The following DNM2 variants were observed in gnomAD, a reference collection of about 807,000 sequenced individuals.
DNM2 encodes dynamin-2.
A neutral mutation model predicts 99.0 loss-of-function variants in DNM2; 15 were observed. The observed-to-expected ratio is 0.15, with a 90% CI of 0.10 to 0.23. DNM2 has a LOEUF of 0.23. DNM2 is among the 10% of genes least tolerant of loss of function. The pLI is 1.00. For synonymous variants in DNM2, 525 were observed against 481.2 expected (o/e 1.09, Z -1.19); for missense variants, 742 against 1,189.4 (o/e 0.62, Z 5.53).
Position 10,764,789 on chromosome 19 carries a change from G to T in DNM2, c.235+4978G>T, listed in dbSNP as rs1020488558. Among the ~76,000 whole-genome samples the T allele has an allele frequency of 6.6e-5, 10 of 152,072 alleles. No individual in the cohort carries two copies. Among genetic ancestry groups the T allele is most frequent in the African/African-American group, 2.4e-4 (10 of 41,422 alleles). ...CCATCCATCTCCCTCCTGATTCTCA[G>T]GCCCAGCTTGCTGGTTCCCACTGCT... On this transcript the variant is annotated intron_variant, in intron 2 of 20. Coordinates refer to ENST00000389253, the MANE Select transcript of DNM2 (RefSeq NM_001005361.3). The surrounding 1 kb of genome is among the most constrained non-coding windows in gnomAD (Gnocchi z 4.1).
rs114589854 is a variant in DNM2, at chr19:10,824,876, G to A, written c.1894-181G>A. 4.5e-3 allele frequency: 3,916 copies of A among 875,134 alleles called. 108 individuals carry two copies. The African/African-American group carries it at 0.059, about 13-fold the overall frequency. The allele number at this position is 875,134 out of a possible 1,614,324, so 54.2% of individuals were successfully genotyped here. On this transcript the variant is annotated intron_variant, in intron 17 of 20. Transcript: ENST00000389253. ...GGGGATCCACCCCAGCATCAGCCAG[G>A]GTCACCCCATTGTTTGGGCAGCTCT...
At chr19:10,786,816 C>T in intron 7 of DNM2, 110 bp downstream of exon 7, 2 of 1,554,542 alleles carry the variant, frequency 1.3e-6, no homozygotes, top group South Asian at 2.3e-5. Context: ...ATTGATTCAG[C>T]AGACACTTGC....
intron 14 of DNM2, chr19:10,810,199 T>C: frequency 6.5e-6 from 1 of 153,926 alleles, no homozygotes; most frequent in Non-Finnish European, 1.4e-5. Context: ...CTGCCACCCA[T>C]ACCGCCCCAT....
chr19:10,816,431 G>A lies in DNM2; in HGVS notation c.1672-3549G>A, dbSNP rs1020413020. On this transcript the variant is annotated intron_variant, in intron 15 of 20. Coordinates refer to ENST00000389253, the MANE Select transcript of DNM2 (RefSeq NM_001005361.3). This position sits in a 1 kb window ranked among gnomAD's most constrained non-coding sequence, Gnocchi z 4.6. ...TCTGGGGTCCCTGTGGAAGCTTCCA[G>A]AACCTCAGATCCAGCGAACCTCATG... is the stretch of plus-strand genomic sequence containing the variant. Among the ~76,000 whole-genome samples, 3 of 152,120 alleles carry A rather than the reference G, an allele frequency of 2.0e-5. No homozygotes were observed. The highest frequency in any genetic ancestry group is 7.2e-5 in the African/African-American group (3 of 41,414).
At chr19:10,732,791 G>A (rs906971777) in intron 1 of DNM2, among the ~76,000 whole-genome samples, 1 of 151,864 alleles carries the variant, frequency 6.6e-6, no homozygotes, top group Non-Finnish European at 1.5e-5. Context: ...AAACGCTCCC[G>A]CTCCACAGTC....
intron 1 of DNM2, among the ~76,000 whole-genome samples, chr19:10,724,109 A>T (rs1010208453): frequency 7.7e-6 from 1 of 129,600 alleles, no homozygotes; most frequent in African/African-American, 3.1e-5. Context: ...GGCGATAAGT[A>T]TGATGGAAAA....
intron 1 of DNM2, among the ~76,000 whole-genome samples, chr19:10,752,954 A>G (rs1199372151): frequency 1.3e-5 from 2 of 151,988 alleles, no homozygotes; most frequent in Non-Finnish European, 2.9e-5. Flanking sequence ...TGTTAAAGAA[A>G]CAAACAAACA....
chr19:10,719,163 G>C (rs1156261118), intron 1 of DNM2, among the ~76,000 whole-genome samples: 1 of 152,116 alleles, frequency 6.6e-6, no homozygotes, highest in Admixed American at 6.6e-5. Context: ...TCTTCTGTCT[G>C]TCTGGCCATC....
chr19:10,721,742 A>G (rs760642930), intron 1 of DNM2, among the ~76,000 whole-genome samples: 1 of 152,226 alleles, frequency 6.6e-6, no homozygotes, highest in Non-Finnish European at 1.5e-5. Flanking sequence ...GAGTGGGAAC[A>G]GCCCAGTTAG....
At chr19:10,735,698 A>T (rs975917672) in intron 1 of DNM2, among the ~76,000 whole-genome samples, 1 of 150,106 alleles carries the variant, frequency 6.7e-6, no homozygotes, top group African/African-American at 2.5e-5. Context: ...TTTTCAAGAG[A>T]TGGGGTCTCG....
chr19:10,805,472 C>CA (rs1243558106), intron 12 of DNM2, among the ~76,000 whole-genome samples: 6 of 152,086 alleles, frequency 3.9e-5, no homozygotes, highest in Admixed American at 1.3e-4. Context: ...CTCGTCTCTA[C>CA]AAAAAATCAA....
chr19:10,797,454 G>A lies in DNM2; in HGVS notation c.1271G>A (p.Ser424Asn). 6.2e-7 allele frequency: 1 copy of A among 1,614,104 alleles called. No homozygotes were observed. ...KKQIVKLKEP[S>N]LKCVDLVVSE... ...CAGATTGTAAAACTCAAAGAGCCGA[G>A]TTTGAAGTGTGTTGATCTCGTGGTC... Residue 424 changes from serine (S) to asparagine (N), a missense_variant, in exon 10 of 21, where the codon AGT (serine) becomes AAT (asparagine). Coordinates refer to ENST00000389253, the MANE Select transcript of DNM2 (RefSeq NM_001005361.3).
intron 1 of DNM2, among the ~76,000 whole-genome samples, chr19:10,723,687 G>A (rs748574279): frequency 6.6e-5 from 10 of 152,214 alleles, no homozygotes; most frequent in African/African-American, 2.4e-4. Context: ...GGTGTTGTTC[G>A]TTCATTAAAA....
chr19:10,778,162 G>A (rs1399655297), intron 5 of DNM2, among the ~76,000 whole-genome samples: 1 of 151,700 alleles, frequency 6.6e-6, no homozygotes, highest in East Asian at 1.9e-4. Context: ...AGCCTCCCGA[G>A]TAGCTGGGAT....
chr19:10,784,818 G>GTTT (rs1265318885), intron 6 of DNM2, among the ~76,000 whole-genome samples: 5 of 51,274 alleles, frequency 9.8e-5, no homozygotes, highest in African/African-American at 1.5e-4. Flanking sequence ...TTTTTTTGAT[G>GTTT]ATTTTTTTTT....
intron 12 of DNM2, among the ~76,000 whole-genome samples, chr19:10,805,689 C>T (rs1232237704): frequency 1.3e-5 from 2 of 152,126 alleles, no homozygotes; most frequent in African/African-American, 2.4e-5. Context: ...TTTAGTAAGT[C>T]GGCTGAGATG....
intron 1 of DNM2, among the ~76,000 whole-genome samples, chr19:10,746,710 G>A (rs1028770248): frequency 2.7e-5 from 4 of 146,048 alleles, no homozygotes; most frequent in Non-Finnish European, 4.5e-5. Context: ...GTGAGCAACC[G>A]TGCCGGCTTT....
chr19:10,783,053 C>T lies in DNM2; in HGVS notation c.782C>T (p.Ser261Phe). 6.2e-7 allele frequency: 1 copy of T among 1,613,978 alleles called. No homozygotes were observed. Among genetic ancestry groups the T allele is most frequent in the Non-Finnish European group, 8.5e-7 (1 of 1,180,050 alleles). The part of the protein sequence containing the change: ...ALAAERKFFL[S>F]HPAYRHMADR... ...GCAGCTGAGAGGAAGTTCTTCCTCT[C>T]CCACCCGGCCTACCGGCACATGGCC... The change falls in exon 6 of 21, where the codon TCC becomes TTC. Residue 261 changes from serine to phenylalanine, a missense_variant. By Grantham distance (155) the Ser-to-Phe change is radical. Transcript: ENST00000389253.
chr19:10,741,323 C>G (rs1158890159), intron 1 of DNM2, among the ~76,000 whole-genome samples: 1 of 152,024 alleles, frequency 6.6e-6, no homozygotes, highest in Non-Finnish European at 1.5e-5. Flanking sequence ...CTTCTGTCTC[C>G]TGGGCTCACA....
Sources: gnomAD v4.1 joint callset for allele counts (sites outside exome capture counted in the v4.1 genomes callset) on GRCh38, gnomAD v4.1.1 for gene constraint, Gnocchi (gnomAD v3.1) non-coding constraint, MANE v1.5 for transcripts, NCBI Gene and HGNC (gene_info 2026-07-23, HGNC 2026-07-21) for gene names.